The following PRKCE variants were observed in gnomAD, a reference collection of about 807,000 sequenced individuals.
PRKCE encodes protein kinase C epsilon.
In PRKCE, 16 loss-of-function variants were observed where a neutral mutation model predicts 85.4. The observed-to-expected ratio is 0.19, with a 90% confidence interval of 0.13 to 0.28. The LOEUF (loss-of-function observed/expected upper bound fraction) is 0.28. Among genes scored for constraint, PRKCE ranks in the 10% least tolerant of loss-of-function variants. PRKCE has a pLI of 1.00. For missense variants in PRKCE, 573 were observed against 975.2 expected (o/e 0.59, Z 5.49); for synonymous variants, 388 against 371.5 (o/e 1.04, Z -0.51).
chr2:45,938,159 A>G (rs1335303040), intron 2 of PRKCE, among the ~76,000 whole-genome samples: 1 of 152,214 alleles, frequency 6.6e-6, no homozygotes, highest in Non-Finnish European at 1.5e-5. Flanking sequence ...ACATAGAACC[A>G]TCTGCTCTCT....
chr2:46,064,280 CAAAAAAA>C (rs58347072), intron 10 of PRKCE, among the ~76,000 whole-genome samples: 25 of 90,844 alleles, frequency 2.8e-4, no homozygotes, highest in Middle Eastern at 0.011. Context: ...GACTCTGTCT[CAAAAAAA>C]AAAAAAAAAA....
In PRKCE at chr2:46,159,343, A is replaced by AATATAGAGAC. The variant is rs1312431793; in HGVS notation, c.1921-261_1921-252dup. Among the ~76,000 whole-genome samples, 2 of 152,184 alleles carry AATATAGAGAC rather than the reference A, an allele frequency of 1.3e-5. No individual in the cohort carries two copies. Among genetic ancestry groups the AATATAGAGAC allele is most frequent in the South Asian group, 2.1e-4 (1 of 4,828 alleles). ...TGTGTGCTTCTAGTGCCTCGTTTATAATATAGAGACAATGATAGTACCTCG... is the reference window on the plus strand; with the variant it reads ...TGTGTGCTTCTAGTGCCTCGTTTATAATATAGAGACATATAGAGACAATGATAGTACCTCG... On this transcript the variant is annotated intron_variant, in intron 13 of 14. Coordinates refer to ENST00000306156, the MANE Select transcript of PRKCE (RefSeq NM_005400.3). This position sits in a 1 kb window ranked among gnomAD's most constrained non-coding sequence, Gnocchi z 4.1.
At chr2:45,996,587 A>G (rs1351795329) in intron 6 of PRKCE, among the ~76,000 whole-genome samples, 1 of 134,356 alleles carries the variant, frequency 7.4e-6, no homozygotes, top group Non-Finnish European at 1.6e-5. Context: ...CTATTGTTAG[A>G]ATTATTTGAT....
chr2:45,750,136 T>C (rs1366458176), intron 1 of PRKCE, among the ~76,000 whole-genome samples: 1 of 152,154 alleles, frequency 6.6e-6, no homozygotes, highest in African/African-American at 2.4e-5. Flanking sequence ...AAAATTATGG[T>C]GAAGTACATA....
chr2:46,158,839 A>C (rs905825341), intron 13 of PRKCE, among the ~76,000 whole-genome samples: 1 of 152,154 alleles, frequency 6.6e-6, no homozygotes, highest in African/African-American at 2.4e-5. Flanking sequence ...CGTATGCTCA[A>C]TTAAATTAAC....
At chr2:46,097,765 G>A (rs2104029431) in intron 11 of PRKCE, among the ~76,000 whole-genome samples, 1 of 152,296 alleles carries the variant, frequency 6.6e-6, no homozygotes, top group East Asian at 1.9e-4. Context: ...ACCAGCATGA[G>A]TTTTTCAGGA....
intron 11 of PRKCE, among the ~76,000 whole-genome samples, chr2:46,102,497 T>G (rs1671338682): frequency 6.6e-6 from 1 of 152,238 alleles, no homozygotes; most frequent in African/African-American, 2.4e-5. Flanking sequence ...ATTAATGAAC[T>G]AATACTGACA....
At chr2:45,703,029 C>T (rs112548919) in intron 1 of PRKCE, among the ~76,000 whole-genome samples, 3 of 151,772 alleles carry the variant, frequency 2.0e-5, no homozygotes, top group Non-Finnish European at 2.9e-5. Flanking sequence ...TTTCCCCCCC[C>T]GTCAGGAAGT....
intron 11 of PRKCE, among the ~76,000 whole-genome samples, chr2:46,090,502 C>A (rs989281056): frequency 6.6e-6 from 1 of 152,090 alleles, no homozygotes; most frequent in African/African-American, 2.4e-5. Flanking sequence ...AAGACAGTAC[C>A]CTACTGGCAG....
intron 1 of PRKCE, among the ~76,000 whole-genome samples, chr2:45,817,066 AGT>A (rs200785601): frequency 0.044 from 6,031 of 135,786 alleles, 175 homozygotes; most frequent in African/African-American, 0.083. Flanking sequence ...CTGTAAGTAG[AGT>A]GTGTGTGTGT....
At chr2:46,023,607 C>A (rs1285941251) in intron 10 of PRKCE, among the ~76,000 whole-genome samples, 3 of 152,226 alleles carry the variant, frequency 2.0e-5, no homozygotes, top group African/African-American at 7.2e-5. Context: ...ATAGCTTGAA[C>A]TAGGGCTAGC....
chr2:45,830,290 A>T (rs1690310552), intron 1 of PRKCE, among the ~76,000 whole-genome samples: 1 of 94,540 alleles, frequency 1.1e-5, no homozygotes, highest in Non-Finnish European at 2.0e-5. Context: ...AAACAAAAAC[A>T]AACGAGAGAG....
At chr2:45,920,564 A>G (rs115321335) in intron 2 of PRKCE, among the ~76,000 whole-genome samples, 134 of 152,378 alleles carry the variant, frequency 8.8e-4, no homozygotes, top group African/African-American at 3.0e-3. Flanking sequence ...TGAGCCATAA[A>G]AAGGAATGAA....
intron 2 of PRKCE, among the ~76,000 whole-genome samples, chr2:45,881,110 G>A (rs932544841): frequency 1.2e-4 from 16 of 138,020 alleles, no homozygotes; most frequent in East Asian, 2.2e-4. Context: ...CCGAGATCCC[G>A]CCACTGCACT....
chr2:46,089,422 T>C (rs924589342), intron 11 of PRKCE, among the ~76,000 whole-genome samples: 9 of 152,214 alleles, frequency 5.9e-5, no homozygotes, highest in African/African-American at 1.7e-4. Flanking sequence ...CTGTCTTCAC[T>C]AGCTCACTGC....
chr2:45,866,114 C>T (rs1299588292), intron 2 of PRKCE, among the ~76,000 whole-genome samples: 1 of 152,004 alleles, frequency 6.6e-6, no homozygotes, highest in Non-Finnish European at 1.5e-5. Context: ...GCCACCGTGC[C>T]CAGCAGTTCG....
intron 3 of PRKCE, among the ~76,000 whole-genome samples, chr2:45,976,958 A>T (rs942101450): frequency 6.6e-6 from 1 of 150,612 alleles, no homozygotes; most frequent in Non-Finnish European, 1.5e-5. Flanking sequence ...GTGCAGTGGC[A>T]TGATCTCCAC....
intron 2 of PRKCE, among the ~76,000 whole-genome samples, chr2:45,879,391 A>G (rs779077984): frequency 6.6e-6 from 1 of 152,046 alleles, no homozygotes; most frequent in South Asian, 2.1e-4. Context: ...CATTCATGTG[A>G]CCTGATTTTT....
chr2:45,854,913 C>T (rs1394136167), intron 2 of PRKCE, among the ~76,000 whole-genome samples: 1 of 152,182 alleles, frequency 6.6e-6, no homozygotes, highest in Non-Finnish European at 1.5e-5. Flanking sequence ...AGGCAGATTT[C>T]AGCTTAGTTT....
Sources: gnomAD v4.1 joint callset for allele counts (sites outside exome capture counted in the v4.1 genomes callset) on GRCh38, gnomAD v4.1.1 for gene constraint, Gnocchi (gnomAD v3.1) non-coding constraint, MANE v1.5 for transcripts, NCBI Gene and HGNC (gene_info 2026-07-23, HGNC 2026-07-21) for gene names.